Variants in NLRX1 observed in about 807,000 individuals in gnomAD.
NLRX1 encodes the protein NLR family member X1, also known as NOD-like receptor X1.
Under a neutral mutation model 74.2 loss-of-function variants are expected in NLRX1, and 67 were observed. The observed-to-expected ratio is 0.90, with a 90% CI of 0.74 to 1.11. The LOEUF (loss-of-function observed/expected upper bound fraction) is 1.11. Ranked by LOEUF, NLRX1 falls within the 50% of genes least tolerant of loss-of-function variation. The pLI, the probability that NLRX1 is intolerant of heterozygous loss-of-function variation, is 0.00. For missense variants in NLRX1, 1,191 were observed against 1,305.4 expected (o/e 0.91, Z 1.35); for synonymous variants, 506 against 559.1 (o/e 0.91, Z 1.34).
In NLRX1 at chr11:119,182,084, G is replaced by T; in HGVS notation, c.2355-10G>T. On this transcript the variant is annotated splice_polypyrimidine_tract_variant and intron_variant, in intron 8 of 9. Coordinates refer to ENST00000409109, the MANE Select transcript of NLRX1 (RefSeq NM_001282144.2). ...GAGCCCTCATAACCTTGGGTTGCAC[G>T]TGGCTGTAGGCTGTCCAACAACCCG... 6.2e-7 allele frequency: 1 copy of T among 1,612,714 alleles called. No homozygotes were observed. The highest frequency in any genetic ancestry group is 8.5e-7 in the Non-Finnish European group (1 of 1,178,966).
rs758166300 is a variant in NLRX1 at position 119,171,371 on chromosome 11, T to C, written c.-33T>C. On this transcript the variant is annotated 5_prime_UTR_variant, in exon 2 of 10. Coordinates refer to ENST00000409109, the MANE Select transcript of NLRX1 (RefSeq NM_001282144.2). ...CTTCTTGCAGGACAGAAGTCGGTCC[T>C]AGGCCCCCCAGGCTCTGACCTTCTT... The C allele has an allele frequency of 1.2e-6, 2 of 1,612,534 alleles. No individual in the cohort carries two copies. Among genetic ancestry groups the C allele is most frequent in the Admixed American group, 3.3e-5 (2 of 59,930 alleles).
intron 1 of NLRX1, among the ~76,000 whole-genome samples, chr11:119,170,223 G>A (rs938100428): frequency 6.6e-6 from 1 of 152,018 alleles, no homozygotes; most frequent in Non-Finnish European, 1.5e-5. Flanking sequence ...TTTTCGGGAG[G>A]TGCTTGGTGC....
rs574477974 is a variant in NLRX1 at position 119,175,185 on chromosome 11, C to A, written c.1582C>A (p.Arg528Ser). ...VGKEVAELVG[R>S]VGEDVSLVLG... ...CAAGGAAGTGGCTGAGCTCGTGGGC[C>A]GTGTTGGGGAGGACGTCAGCCTGGT... is the stretch of plus-strand genomic sequence containing the variant. The change falls in exon 6 of 10, where the codon CGT becomes AGT. Residue 528 changes from arginine to serine, a missense_variant. Transcript: ENST00000409109. 1 of 1,614,176 alleles carries A rather than the reference C, an allele frequency of 6.2e-7. No homozygotes were observed. Among genetic ancestry groups the A allele is most frequent in the African/African-American group, 1.3e-5 (1 of 75,050 alleles).
intron 3 of NLRX1, among the ~76,000 whole-genome samples, chr11:119,172,669 A>C (rs1484245290): frequency 6.6e-6 from 1 of 152,176 alleles, no homozygotes; most frequent in African/African-American, 2.4e-5. Flanking sequence ...TCACATGGCC[A>C]GCCTGAGTTC....
At chr11:119,171,136 A>G (rs1312521212) in intron 1 of NLRX1, among the ~76,000 whole-genome samples, 1 of 152,026 alleles carries the variant, frequency 6.6e-6, no homozygotes, top group East Asian at 2.0e-4. Context: ...CTCAAAAAAG[A>G]AAAAAGAAAA....
intron 8 of NLRX1, 134 bp downstream of exon 8, chr11:119,181,391 C>G: frequency 1.5e-6 from 1 of 667,192 alleles, no homozygotes; most frequent in Non-Finnish European, 2.7e-6. Context: ...GACCTGTCCC[C>G]TCCACTTCCC....
rs1345810263 is a variant in NLRX1 at position 119,183,451 on chromosome 11, C to T, written c.*12C>T. The T allele has an allele frequency of 1.9e-6, 3 of 1,605,534 alleles. No individual in the cohort carries two copies. Among genetic ancestry groups the T allele is most frequent in the African/African-American group, 1.3e-5 (1 of 74,740 alleles). Reference sequence around the variant, plus strand: ...GCTCTGGAAGCTGAGACACTGGCGGCAGGCACCTAGCTATGTGACCACTGG... The same window carrying T: ...GCTCTGGAAGCTGAGACACTGGCGGTAGGCACCTAGCTATGTGACCACTGG... On this transcript the variant is annotated 3_prime_UTR_variant, in exon 10 of 10. Transcript: ENST00000409109. The surrounding 1 kb of genome is among the most constrained non-coding windows in gnomAD (Gnocchi z 5.7).
chr11:119,173,839 T>C lies in NLRX1; in HGVS notation c.590T>C (p.Phe197Ser). Residue 197 changes from phenylalanine (F) to serine (S), a missense_variant, in exon 5 of 10, where the codon TTC becomes TCC. By Grantham distance (155) the Phe-to-Ser change is radical. Transcript: ENST00000409109. This position sits in a 1 kb window ranked among gnomAD's most constrained non-coding sequence, Gnocchi z 4.0. ...CCGGCCTTCGAGCTGCTCATCCCCT[T>C]CTCCTGTGAGGACCTGTCATCCCTG... is the stretch of plus-strand genomic sequence containing the variant. ...RLPAFELLIP[F>S]SCEDLSSLGP... is the part of the protein sequence containing the mutation. 1 of 1,613,502 alleles carries C rather than the reference T, an allele frequency of 6.2e-7. No individual in the cohort carries two copies. Among genetic ancestry groups the C allele is most frequent in the South Asian group, 1.1e-5 (1 of 91,090 alleles).
At chr11:119,171,086 T>A (rs1948531909) in intron 1 of NLRX1, among the ~76,000 whole-genome samples, 1 of 151,840 alleles carries the variant, frequency 6.6e-6, no homozygotes, top group South Asian at 2.1e-4. Context: ...TAGGCTTCAA[T>A]GAGCCACAAT....
In NLRX1 at chr11:119,173,677, C is replaced by A. The variant is rs752862025; in HGVS notation, c.428C>A (p.Pro143Gln). 2.4e-5 allele frequency: 38 copies of A among 1,613,998 alleles called. No individual in the cohort carries two copies. Among genetic ancestry groups the A allele is most frequent in the Middle Eastern group, 3.3e-4 (2 of 6,084 alleles). ...CAGCCACCCCAGGCCGGGCTCCCCC[C>A]ACTGGCCTTGTCTCAGCTCTTTAAC... Reference protein sequence around the residue: ...EHQPPQAGLPPLALSQLFNPD... With the variant: ...EHQPPQAGLPQLALSQLFNPD... The change falls in exon 5 of 10, where the codon CCA becomes CAA. Residue 143 changes from proline (P) to glutamine (Q), a missense_variant. Coordinates refer to ENST00000409109, the MANE Select transcript of NLRX1 (RefSeq NM_001282144.2). This position sits in a 1 kb window ranked among gnomAD's most constrained non-coding sequence, Gnocchi z 4.0.
intron 1 of NLRX1, among the ~76,000 whole-genome samples, chr11:119,170,743 A>G (rs1259223100): frequency 6.6e-6 from 1 of 152,202 alleles, no homozygotes. Context: ...CAGGACTCCT[A>G]TCTGAGCTTG....
At chr11:119,172,595 A>G (rs1948578346) in intron 3 of NLRX1, among the ~76,000 whole-genome samples, 170 bp downstream of exon 3, 1 of 152,126 alleles carries the variant, frequency 6.6e-6, no homozygotes. Context: ...GTTGGCTTAG[A>G]TCATCTGTGG....
At chr11:119,180,701 C>CAA (rs1302396352) in intron 7 of NLRX1, among the ~76,000 whole-genome samples, 1 of 84,458 alleles carries the variant, frequency 1.2e-5, no homozygotes, top group Non-Finnish European at 2.5e-5. Flanking sequence ...AACTCCGTCT[C>CAA]AAAAAAAAAA....
intron 6 of NLRX1, among the ~76,000 whole-genome samples, chr11:119,179,095 C>T (rs1023112748): frequency 2.0e-5 from 3 of 152,146 alleles, no homozygotes; most frequent in South Asian, 2.1e-4. Context: ...GCATCGTAGT[C>T]GGCAGGGCCC....
chr11:119,170,703 T>G (rs906597449), intron 1 of NLRX1, among the ~76,000 whole-genome samples: 1 of 152,140 alleles, frequency 6.6e-6, no homozygotes, highest in Non-Finnish European at 1.5e-5. Context: ...CTGGAAAATC[T>G]AGGCACAGAA....
Position 119,174,282 on chromosome 11 carries a change from T to C in NLRX1, c.850-171T>C, listed in dbSNP as rs950740586. On this transcript the variant is annotated intron_variant, in intron 5 of 9. Transcript: ENST00000409109. ...TGATCAAATGGGGTACTGCATATAA[T>C]ATTAGCACAGCGGCCTGGATCACAG... Among the ~76,000 whole-genome samples, 118 of 152,242 alleles carry C rather than the reference T, an allele frequency of 7.8e-4. 1 individual carries two copies. The highest frequency in any genetic ancestry group is 2.5e-3 in the African/African-American group (105 of 41,460).
chr11:119,169,977 C>T (rs1219292792), intron 1 of NLRX1, among the ~76,000 whole-genome samples: 1 of 111,876 alleles, frequency 8.9e-6, no homozygotes, highest in Non-Finnish European at 1.6e-5. Flanking sequence ...GCCTGGGCAA[C>T]AGAGCGAGAG....
At chr11:119,182,972 C>T in intron 9 of NLRX1, 146 bp from the exon 10 acceptor site, 1 of 662,966 alleles carries the variant, frequency 1.5e-6, no homozygotes, top group South Asian at 2.0e-5. Flanking sequence ...GGCCAGCAGC[C>T]TCCACCTCTG....
At chr11:119,178,553 C>T (rs1329156493) in intron 6 of NLRX1, among the ~76,000 whole-genome samples, 1 of 152,148 alleles carries the variant, frequency 6.6e-6, no homozygotes, top group East Asian at 1.9e-4. Context: ...CCCCAGATGC[C>T]ATGAAAGTGT....
Sources: gnomAD v4.1 joint callset for allele counts (sites outside exome capture counted in the v4.1 genomes callset) on GRCh38, gnomAD v4.1.1 for gene constraint, Gnocchi (gnomAD v3.1) non-coding constraint, MANE v1.5 for transcripts, NCBI Gene and HGNC (gene_info 2026-07-23, HGNC 2026-07-21) for gene names.